EYS: variants seen among roughly 807,000 people sequenced by gnomAD.
The protein encoded by EYS is protein eyes shut homolog.
EYS carries 250 observed loss-of-function variants against 282.1 expected under a neutral mutation model. The observed-to-expected ratio is 0.89, with a 90% CI of 0.80 to 0.98. EYS has a LOEUF of 0.98. Ranked by LOEUF, EYS falls within the 50% of genes least tolerant of loss-of-function variation. The pLI, the probability that EYS is intolerant of heterozygous loss-of-function variation, is 0.00. For synonymous variants in EYS, 1,355 were observed against 1,282.9 expected (o/e 1.06, Z -1.20); for missense variants, 4,016 against 3,709.0 (o/e 1.08, Z -2.15).
chr6:64,676,787 T>C (rs1769703594), intron 22 of EYS, among the ~76,000 whole-genome samples: 1 of 152,094 alleles, frequency 6.6e-6, no homozygotes, highest in African/African-American at 2.4e-5. Context: ...CACTGTAACC[T>C]CTCATGATGA....
chr6:64,648,980 G>C lies in EYS; in HGVS notation c.3444-22735C>G, dbSNP rs1768455453. On this transcript the variant is annotated intron_variant, in intron 22 of 42. Transcript: ENST00000503581. ...TCTGCACATTTTCTCTCATGGTTCA[G>C]GAAAAACTTGTAGGCACTTGTGTGT... is the stretch of plus-strand genomic sequence containing the variant. Among the ~76,000 whole-genome samples the C allele has an allele frequency of 2.6e-5, 4 of 152,192 alleles. No homozygotes were observed. The South Asian group carries it at 8.3e-4, about 32-fold the overall frequency.
At chr6:64,767,976 G>A (rs1034846330) in intron 22 of EYS, among the ~76,000 whole-genome samples, 4 of 151,976 alleles carry the variant, frequency 2.6e-5, no homozygotes, top group Non-Finnish European at 5.9e-5. Context: ...TAGTAGCCAC[G>A]CTAACTGGGG....
At chr6:65,493,035 C>G (rs191370411) in intron 4 of EYS, among the ~76,000 whole-genome samples, 66 of 152,292 alleles carry the variant, frequency 4.3e-4, no homozygotes, top group Non-Finnish European at 6.9e-4. Context: ...TCCGCCTCAG[C>G]CTCCCGAGTA....
chr6:65,198,983 G>C (rs962442288), intron 12 of EYS, among the ~76,000 whole-genome samples: 1 of 152,152 alleles, frequency 6.6e-6, no homozygotes, highest in African/African-American at 2.4e-5. Context: ...GAATGGCCTA[G>C]CGTAGCACAT....
At chr6:64,691,648 C>T (rs1349210433) in intron 22 of EYS, among the ~76,000 whole-genome samples, 1 of 152,088 alleles carries the variant, frequency 6.6e-6, no homozygotes, top group African/African-American at 2.4e-5. Flanking sequence ...TTAGCCCTCC[C>T]ACCTTCCTCC....
chr6:64,107,098 C>T (rs906763154), intron 31 of EYS, among the ~76,000 whole-genome samples: 1 of 150,836 alleles, frequency 6.6e-6, no homozygotes, highest in African/African-American at 2.4e-5. Flanking sequence ...TCCACTGAAG[C>T]CTTCAGCATA....
intron 19 of EYS, among the ~76,000 whole-genome samples, chr6:64,883,502 T>C (rs904702573): frequency 6.9e-6 from 1 of 145,628 alleles, no homozygotes; most frequent in Admixed American, 6.9e-5. Flanking sequence ...GTAATCACAT[T>C]TAAAGTCCTT....
chr6:65,547,762 T>A (rs890385439), intron 2 of EYS, among the ~76,000 whole-genome samples: 1 of 152,210 alleles, frequency 6.6e-6, no homozygotes, highest in African/African-American at 2.4e-5. Flanking sequence ...GTTAAGGGAA[T>A]CAAATGTAAT....
intron 2 of EYS, among the ~76,000 whole-genome samples, chr6:65,504,924 G>T (rs758985585): frequency 7.2e-5 from 11 of 151,784 alleles, no homozygotes; most frequent in Admixed American, 4.6e-4. Flanking sequence ...CTAGCCTCAG[G>T]AAATGACTTA....
At chr6:65,322,896 A>T (rs1174224107) in intron 11 of EYS, among the ~76,000 whole-genome samples, 1 of 150,954 alleles carries the variant, frequency 6.6e-6, no homozygotes, top group Non-Finnish European at 1.5e-5. Flanking sequence ...GTGGCTCTTG[A>T]TTTAGGGAAA....
At chr6:65,279,062 C>A (rs967999333) in intron 12 of EYS, among the ~76,000 whole-genome samples, 1 of 152,032 alleles carries the variant, frequency 6.6e-6, no homozygotes, top group Non-Finnish European at 1.5e-5. Flanking sequence ...GTGGTGGCAT[C>A]CTGTAGTCCT....
At chr6:63,732,431 G>T (rs1302015218) in intron 41 of EYS, among the ~76,000 whole-genome samples, 1 of 152,082 alleles carries the variant, frequency 6.6e-6, no homozygotes, top group East Asian at 1.9e-4. Context: ...ATTTCAAAAA[G>T]AGGTACATTT....
intron 12 of EYS, among the ~76,000 whole-genome samples, chr6:65,146,039 A>G (rs1415077335): frequency 6.6e-6 from 1 of 151,822 alleles, no homozygotes; most frequent in African/African-American, 2.4e-5. Context: ...TTCAGAATTT[A>G]TTTCAGGTAT....
intron 12 of EYS, among the ~76,000 whole-genome samples, chr6:65,221,021 A>G (rs1766449657): frequency 6.6e-6 from 1 of 152,222 alleles, no homozygotes; most frequent in East Asian, 1.9e-4. Context: ...TAAGCAGCAA[A>G]GTGTTCAAGA....
chr6:65,443,312 A>G (rs1354676548), intron 5 of EYS, among the ~76,000 whole-genome samples: 1 of 121,568 alleles, frequency 8.2e-6, no homozygotes, highest in Non-Finnish European at 1.9e-5. Flanking sequence ...GTGTGTACAC[A>G]TATAGACATA....
chr6:64,752,315 AAC>A (rs1772784285), intron 22 of EYS, among the ~76,000 whole-genome samples: 2 of 152,074 alleles, frequency 1.3e-5, no homozygotes, highest in Non-Finnish European at 2.9e-5. Context: ...TTAAAAAATA[AAC>A]AAACATAACT....
chr6:64,883,436 T>C (rs1372351041), intron 19 of EYS, among the ~76,000 whole-genome samples: 1 of 151,314 alleles, frequency 6.6e-6, no homozygotes, highest in Non-Finnish European at 1.5e-5. Context: ...TATACTTTTC[T>C]AGTAGATATA....
chr6:65,528,246 A>T (rs1193948006), intron 2 of EYS, among the ~76,000 whole-genome samples: 1 of 152,188 alleles, frequency 6.6e-6, no homozygotes, highest in Non-Finnish European at 1.5e-5. Context: ...TAGGAGCAAC[A>T]TTTCTCCAAG....
intron 11 of EYS, among the ~76,000 whole-genome samples, chr6:65,333,248 T>A (rs959162832): frequency 7.3e-5 from 11 of 151,598 alleles, no homozygotes; most frequent in African/African-American, 2.4e-4. Context: ...TTTTCAATAA[T>A]CTCAAAGTCT....
Sources: allele counts gnomAD v4.1 joint callset (sites outside exome capture counted in the v4.1 genomes callset), GRCh38; gene constraint gnomAD v4.1.1; transcripts MANE v1.5; gene names NCBI Gene and HGNC (gene_info 2026-07-23, HGNC 2026-07-21).